Variants in BET1 observed in about 807,000 individuals in gnomAD.
BET1 encodes BET1 homolog.
In BET1, 9 loss-of-function variants were observed where a neutral mutation model predicts 13.9. The ratio of observed to expected loss-of-function variants is 0.65; its 90% CI spans 0.39 to 1.13. The LOEUF (loss-of-function observed/expected upper bound fraction) is 1.13. BET1 is among the 50% of genes most tolerant of loss of function. The pLI is 0.01. For synonymous variants in BET1, 39 were observed against 47.3 expected, an observed-to-expected ratio of 0.82 and a Z score of 0.72; for missense variants, 127 against 133.6, an observed-to-expected ratio of 0.95 and a Z score of 0.24.
chr7:93,991,769 C>T, downstream of BET1: 1 of 955,002 alleles, frequency 1.0e-6, no homozygotes, highest in Non-Finnish European at 1.2e-6. Context: ...CAATGCTACT[C>T]TGCTTCCCAA....
downstream of BET1, among the ~76,000 whole-genome samples, chr7:93,989,096 C>T (rs370982657): frequency 1.7e-4 from 26 of 151,586 alleles, no homozygotes; most frequent in East Asian, 4.7e-3. Flanking sequence ...TCACTGCAAC[C>T]TCTGCCTCCT....
chr7:93,983,557 G>T (rs1795467582), intron 4 of BET1, among the ~76,000 whole-genome samples: 1 of 152,096 alleles, frequency 6.6e-6, no homozygotes, highest in Non-Finnish European at 1.5e-5. Context: ...ACCAAATTAA[G>T]ATGAGCCATG....
At chr7:93,994,988 C>T (rs10280001) in intron 3 of BET1, among the ~76,000 whole-genome samples, 18,944 of 152,062 alleles carry the variant, frequency 0.12, 3,436 homozygotes, top group African/African-American at 0.4. Flanking sequence ...GGACTACAGG[C>T]GCACGCCACC....
chr7:93,978,076 C>CTTTT (rs11266825), intron 4 of BET1, among the ~76,000 whole-genome samples: 10 of 147,716 alleles, frequency 6.8e-5, no homozygotes, highest in African/African-American at 2.5e-4. Flanking sequence ...AACTTTGTTT[C>CTTTT]TTTTTTTTTT....
chr7:93,964,076 TAAATAA>T (rs979119492), exon 7 of BET1: 4 of 151,590 alleles, frequency 2.6e-5, no homozygotes, highest in African/African-American at 4.8e-5. Flanking sequence ...AAAAAATAAG[TAAATAA>T]AAATAAAAAT....
chr7:93,971,907 T>C (rs1238835617), intron 6 of BET1, among the ~76,000 whole-genome samples: 4 of 151,474 alleles, frequency 2.6e-5, no homozygotes, highest in South Asian at 2.1e-4. Flanking sequence ...TTTTTGATAT[T>C]GTACAGCTTT....
chr7:93,992,842 A>T (rs1795664344), downstream of BET1: 1 of 953,486 alleles, frequency 1.0e-6, no homozygotes, highest in Non-Finnish European at 1.2e-6. Context: ...TAAGGAATAG[A>T]GATATGAACC....
intron 4 of BET1, among the ~76,000 whole-genome samples, chr7:93,976,456 A>C (rs960313581): frequency 6.6e-6 from 1 of 152,034 alleles, no homozygotes; most frequent in Non-Finnish European, 1.5e-5. Flanking sequence ...TGGCACAATG[A>C]CCTTTTAACA....
At chr7:93,993,051 C>T, downstream of BET1, 1 of 981,786 alleles carries the variant, frequency 1.0e-6, no homozygotes, top group Non-Finnish European at 1.2e-6. Context: ...TCAGTAAAAT[C>T]CAAGAAAATA....
intron 3 of BET1, among the ~76,000 whole-genome samples, chr7:93,995,556 C>T (rs954989481): frequency 2.0e-5 from 3 of 151,996 alleles, no homozygotes; most frequent in Non-Finnish European, 4.4e-5. Context: ...CATCTAGATC[C>T]CTCCTCACGA....
At chr7:93,964,163 A>G (rs1367327062) in exon 7 of BET1, 5 of 152,020 alleles carry the variant, frequency 3.3e-5, no homozygotes, top group Non-Finnish European at 7.4e-5. Flanking sequence ...ACATGTGCAG[A>G]TTTTTTACAT....
At chr7:94,003,239 C>T (rs1439911022) in intron 1 of BET1, among the ~76,000 whole-genome samples, 4 of 150,672 alleles carry the variant, frequency 2.7e-5, no homozygotes, top group African/African-American at 9.8e-5. Context: ...TTCATAAAAA[C>T]TTCATTAAAA....
At chr7:93,992,485 A>G, downstream of BET1, 1 of 985,160 alleles carries the variant, frequency 1.0e-6, no homozygotes, top group African/African-American at 1.7e-5. Context: ...GTTTTTCACA[A>G]CTTTAATTAT....
chr7:93,983,109 G>A (rs1421404330), intron 4 of BET1, among the ~76,000 whole-genome samples: 2 of 152,186 alleles, frequency 1.3e-5, no homozygotes, highest in Non-Finnish European at 2.9e-5. Flanking sequence ...GAGTCTGGGA[G>A]ATTCCCATTT....
intron 1 of BET1, among the ~76,000 whole-genome samples, chr7:94,002,577 C>T (rs112162452): frequency 1.6e-3 from 248 of 151,930 alleles, no homozygotes; most frequent in African/African-American, 5.8e-3. Flanking sequence ...ACTTTAAAAA[C>T]TTCCCAAGGG....
At chr7:93,978,367 C>T (rs1002136376) in intron 4 of BET1, among the ~76,000 whole-genome samples, 4 of 152,158 alleles carry the variant, frequency 2.6e-5, no homozygotes, top group African/African-American at 9.7e-5. Context: ...CTGTGCCTGG[C>T]CTGCAATCTC....
chr7:93,999,877 ATTC>A (rs1380486447), intron 1 of BET1, among the ~76,000 whole-genome samples: 1 of 152,212 alleles, frequency 6.6e-6, no homozygotes. Context: ...AGATTCATTT[ATTC>A]TTCAACATAT....
At chr7:93,999,615 CAT>C (rs531112319) in intron 1 of BET1, 168 of 461,732 alleles carry the variant, frequency 3.6e-4, no homozygotes, top group African/African-American at 3.1e-3. Flanking sequence ...TCAAGAGAAA[CAT>C]ATATTTTAAT....
downstream of BET1, chr7:93,991,822 C>T: frequency 3.1e-6 from 3 of 965,368 alleles, no homozygotes; most frequent in Non-Finnish European, 2.5e-6. Context: ...AGAATGATGA[C>T]ATTATTTATT....
Sources: allele counts gnomAD v4.1 joint callset (sites outside exome capture counted in the v4.1 genomes callset), GRCh38; gene constraint gnomAD v4.1.1; transcripts MANE v1.5; gene names NCBI Gene and HGNC (gene_info 2026-07-23, HGNC 2026-07-21).